The following GGT1 variants were observed in gnomAD, a reference collection of about 807,000 sequenced individuals.
GGT1 encodes the protein glutathione hydrolase 1 proenzyme.
In GGT1, 21 loss-of-function variants were observed where a neutral mutation model predicts 56.0. The observed-to-expected ratio is 0.38, with a 90% CI of 0.27 to 0.54. The LOEUF is 0.54. Among genes scored for constraint, GGT1 ranks in the 20% least tolerant of loss-of-function variants. GGT1 has a pLI of 0.82. For missense variants in GGT1, 466 were observed against 787.0 expected (o/e 0.59, Z 4.88); for synonymous variants, 238 against 342.6 (o/e 0.69, Z 3.37).
chr22:24,619,400 GAAAAAAA>G (rs372709571), intron 7 of GGT1, among the ~76,000 whole-genome samples: 1 of 96,474 alleles, frequency 1.0e-5, no homozygotes, highest in African/African-American at 3.5e-5. Flanking sequence ...CTCCATCTCA[GAAAAAAA>G]AAAAAAAAAA....
chr22:24,614,730 G>A (rs2046952603), intron 5 of GGT1, 46 bp from the exon 6 acceptor site: 3 of 1,604,088 alleles, frequency 1.9e-6, no homozygotes, highest in Non-Finnish European at 2.6e-6. Context: ...TGCGGGGCCA[G>A]GGTGGAAGCC....
Position 24,628,237 on chromosome 22 carries a change from A to T in GGT1, c.1450-38A>T. 6.2e-7 allele frequency: 1 copy of T among 1,611,906 alleles called. No homozygotes were observed. The highest frequency in any genetic ancestry group is 8.5e-7 in the Non-Finnish European group (1 of 1,179,840). ...CTCCCTGGCCGTGCCCACCCTGCAC[A>T]GCCCCCAAGCCATGCTGATCACACT... On this transcript the variant is annotated intron_variant, in intron 14 of 15. Coordinates refer to ENST00000400382, the MANE Select transcript of GGT1 (RefSeq NM_001288833.2). This position sits in a 1 kb window ranked among gnomAD's most constrained non-coding sequence, Gnocchi z 5.7.
At chr22:24,594,860 A>ACC (rs201942604) in exon 1 of GGT1, 8 of 150,640 alleles carry the variant, frequency 5.3e-5, no homozygotes, top group African/African-American at 2.0e-4. Context: ...GACCTCTCAG[A>ACC]CCCCCCTGCC....
At chr22:24,621,684 CCCT>C (rs1258407398) in intron 9 of GGT1, among the ~76,000 whole-genome samples, 11 of 152,206 alleles carry the variant, frequency 7.2e-5, no homozygotes, top group Non-Finnish European at 1.3e-4. Context: ...TTAAGAGCCT[CCCT>C]CCTCTATTCA....
At chr22:24,596,757 A>T (rs867558750) in intron 1 of GGT1, among the ~76,000 whole-genome samples, 11 of 150,366 alleles carry the variant, frequency 7.3e-5, no homozygotes, top group African/African-American at 2.7e-4. Flanking sequence ...AAAAAAAAAA[A>T]AAAAAATTAG....
chr22:24,605,878 ATATATGATGTGTAT>A (rs1423029210), intron 1 of GGT1, among the ~76,000 whole-genome samples: 1 of 48,920 alleles, frequency 2.0e-5, no homozygotes, highest in Non-Finnish European at 3.5e-5. Flanking sequence ...ATATTATATA[ATATATGATGTGTAT>A]TATATATTAT....
chr22:24,628,112 G>A lies in GGT1; in HGVS notation c.1368G>A (p.Thr456=), dbSNP rs781433213. ...AGCCGCTCTCGTCCATGTGCCCGAC[G>A]ATCATGGTGGGCCAGGACGGCCAGG... ...GKQPLSSMCP[T]IMVGQDGQVR... The change falls in exon 14 of 16, where the codon ACG becomes ACA. Residue 456 remains threonine (T), a synonymous_variant. Coordinates refer to ENST00000400382, the MANE Select transcript of GGT1 (RefSeq NM_001288833.2). This position sits in a 1 kb window ranked among gnomAD's most constrained non-coding sequence, Gnocchi z 5.7. The A allele has an allele frequency of 9.3e-6, 15 of 1,611,830 alleles. No homozygotes were observed. The highest frequency in any genetic ancestry group is 3.3e-5 in the Admixed American group (2 of 59,996).
At chr22:24,589,147 G>A in the GGT1 span, 1 of 1,141,232 alleles carries the variant, frequency 8.8e-7, no homozygotes, top group Non-Finnish European at 1.1e-6. Context: ...GTTTTGGTTG[G>A]GGACTCACTG....
At chr22:24,588,775 C>T in the GGT1 span, 42 of 1,025,892 alleles carry the variant, frequency 4.1e-5, no homozygotes, top group Non-Finnish European at 4.8e-5. Context: ...GCGTGTTCTT[C>T]TTCCTCTCAC....
intron 7 of GGT1, among the ~76,000 whole-genome samples, chr22:24,619,182 G>C (rs966392816): frequency 6.6e-6 from 1 of 152,170 alleles, no homozygotes; most frequent in African/African-American, 2.4e-5. Context: ...TGGATCACCT[G>C]ATGTTAGGAG....
chr22:24,619,664 C>T (rs1430401636), intron 7 of GGT1, among the ~76,000 whole-genome samples: 3 of 152,126 alleles, frequency 2.0e-5, no homozygotes, highest in African/African-American at 7.2e-5. Context: ...TCTTGCCTCT[C>T]TGGGGCCGTA....
chr22:24,590,588 G>A (rs2045539867), upstream of GGT1, among the ~76,000 whole-genome samples: 1 of 151,362 alleles, frequency 6.6e-6, no homozygotes, highest in South Asian at 2.1e-4. Flanking sequence ...GTCTTATGGT[G>A]GGGGGGTTTG....
At chr22:24,617,097 G>T (rs1320236846) in intron 7 of GGT1, among the ~76,000 whole-genome samples, 2 of 152,214 alleles carry the variant, frequency 1.3e-5, no homozygotes, top group East Asian at 3.8e-4. Context: ...GTGCAGGTGT[G>T]TTACGGGCTG....
chr22:24,614,480 G>A (rs1222803422), intron 5 of GGT1, among the ~76,000 whole-genome samples: 1 of 150,920 alleles, frequency 6.6e-6, no homozygotes, highest in Non-Finnish European at 1.5e-5. Context: ...GCTGGGCGTG[G>A]TGGCATGCAC....
chr22:24,583,799 C>G, the GGT1 span: 1 of 471,144 alleles, frequency 2.1e-6, no homozygotes, highest in Non-Finnish European at 4.4e-6. Context: ...GGTCCTCGCA[C>G]ACCATCCTGG....
At chr22:24,605,078 A>G (rs1413576551) in intron 1 of GGT1, among the ~76,000 whole-genome samples, 2 of 66,228 alleles carry the variant, frequency 3.0e-5, no homozygotes, top group Admixed American at 2.5e-4. Context: ...TATATAATAT[A>G]TAAAGTATAT....
Position 24,622,960 on chromosome 22 carries a change from G to A in GGT1, c.734-147G>A, listed in dbSNP as rs538854536. 6.9e-4 allele frequency: 543 copies of A among 781,684 alleles called. 2 individuals carry two copies. Among genetic ancestry groups the A allele is most frequent in the Non-Finnish European group, 9.8e-4 (466 of 474,412 alleles). The allele number at this position is 781,684 out of a possible 1,614,324, so 48.4% of individuals were successfully genotyped here. A position where few individuals can be genotyped will look rare whatever the true frequency, so the allele number is the denominator to read the frequency against. On this transcript the variant is annotated intron_variant, in intron 9 of 15. Coordinates refer to ENST00000400382, the MANE Select transcript of GGT1 (RefSeq NM_001288833.2). ...GGCACAGTCCCACCCCTCCAGTAGT[G>A]CACTCTGTCCTCCCTGGTAGGTACA...
chr22:24,626,233 CCGCCCTCCCAAAG>C (rs2147525117), intron 11 of GGT1, among the ~76,000 whole-genome samples: 3 of 148,294 alleles, frequency 2.0e-5, no homozygotes, highest in Admixed American at 1.3e-4. Flanking sequence ...ACGTCGTGAT[CCGCCCTCCCAAAG>C]TGCTGGGATT....
Position 24,620,475 on chromosome 22 carries a change from C to T in GGT1, c.530C>T (p.Ala177Val), listed in dbSNP as rs3895576. The T allele has an allele frequency of 3.1e-6, 5 of 1,611,764 alleles. No individual in the cohort carries two copies. Among genetic ancestry groups the T allele is most frequent in the African/African-American group, 2.7e-5 (2 of 74,850 alleles). The change falls in exon 8 of 16, where the codon GCC (alanine) becomes GTC (valine). Residue 177 changes from alanine (A) to valine (V), a missense_variant. By Grantham distance (64) the Ala-to-Val change is moderately conservative (BLOSUM62 0). Around this residue, in one of 2 missense-constraint regions of GGT1, gnomAD observed 456 missense variants for 716.7 expected, o/e 0.64. Transcript: ENST00000400382. This position sits in a 1 kb window ranked among gnomAD's most constrained non-coding sequence, Gnocchi z 5.6. ...GFPVGKGLAA[A>V]LENKRTVIEQ... is the part of the protein sequence containing the mutation. ...CCCGTGGGCAAGGGCTTGGCGGCAG[C>T]CCTGGAAAACAAGCGGACCGTCATC...
Sources: gnomAD v4.1 joint callset for allele counts (sites outside exome capture counted in the v4.1 genomes callset) on GRCh38, gnomAD v4.1.1 for gene constraint, gnomAD v4.1.1 regional missense constraint, Gnocchi (gnomAD v3.1) non-coding constraint, MANE v1.5 for transcripts, NCBI Gene and HGNC (gene_info 2026-07-23, HGNC 2026-07-21) for gene names.